BICRA: variants seen among roughly 807,000 people sequenced by gnomAD.
BICRA encodes BRD4-interacting chromatin-remodeling complex-associated protein.
A neutral mutation model predicts 96.9 loss-of-function variants in BICRA; 31 were observed. The observed-to-expected ratio is 0.32, with a 90% CI of 0.24 to 0.43. The LOEUF (loss-of-function observed/expected upper bound fraction) is 0.43. Ranked by LOEUF, BICRA falls within the 20% of genes least tolerant of loss-of-function variation. The pLI, the probability that BICRA is intolerant of heterozygous loss-of-function variation, is 1.00. For synonymous variants in BICRA, 1,350 were observed against 1,071.8 expected, an observed-to-expected ratio of 1.26 and a Z score of -5.07; for missense variants, 2,283 against 2,190.3, an observed-to-expected ratio of 1.04 and a Z score of -0.84.
chr19:47,694,672 C>A lies in BICRA; in HGVS notation c.2841C>A (p.Thr947=). The change falls in exon 8 of 15, where the codon ACC becomes ACA. Residue 947 remains threonine (T), a synonymous_variant. Transcript: ENST00000594866. ...PPPPRTFQMV[T]TPFPALPQPK... ...CTCCTCGGACCTTCCAGATGGTGAC[C>A]ACCCCCTTCCCAGCGCTGCCCCAGC... 6.3e-7 allele frequency: 1 copy of A among 1,597,932 alleles called. No homozygotes were observed. The highest frequency in any genetic ancestry group is 8.6e-7 in the Non-Finnish European group (1 of 1,168,630).
chr19:47,608,712 C>T (rs1222315223), upstream of BICRA, among the ~76,000 whole-genome samples: 1 of 151,640 alleles, frequency 6.6e-6, no homozygotes, highest in African/African-American at 2.4e-5. Context: ...GGGCCCAGTC[C>T]CCGGACGTCC....
intron 1 of BICRA, chr19:47,663,436 C>T (rs978520358): frequency 1.3e-5 from 2 of 152,162 alleles, no homozygotes; most frequent in Admixed American, 6.6e-5. Flanking sequence ...CAACCATCCT[C>T]TGCTGGTGGG....
At chr19:47,641,733 A>G (rs1972388341) in intron 1 of BICRA, among the ~76,000 whole-genome samples, 1 of 152,220 alleles carries the variant, frequency 6.6e-6, no homozygotes, top group Non-Finnish European at 1.5e-5. Context: ...TCCTGTGAAC[A>G]ATGCCATTGG....
intron 1 of BICRA, among the ~76,000 whole-genome samples, chr19:47,642,877 T>C (rs1176703112): frequency 1.3e-5 from 2 of 152,240 alleles, no homozygotes; most frequent in African/African-American, 4.8e-5. Flanking sequence ...TAATATCTCA[T>C]TATGGTTGTA....
At chr19:47,683,127 G>A (rs777024900) in intron 7 of BICRA, among the ~76,000 whole-genome samples, 5 of 152,122 alleles carry the variant, frequency 3.3e-5, no homozygotes, top group African/African-American at 4.8e-5. Context: ...TATGTATGTC[G>A]TTTTGTAGGG....
Position 47,701,906 on chromosome 19 carries a change from C to T in BICRA, c.4174C>T (p.Arg1392Cys). ...CPRLPLRKTY[R>C]ENVGGPGAPE... ...GCGCCTGCCACTGCGCAAGACCTACCGCGAGAACGTGGGGGGCCCTGGCGC... is the reference window on the plus strand; with the variant it reads ...GCGCCTGCCACTGCGCAAGACCTACTGCGAGAACGTGGGGGGCCCTGGCGC... The change falls in exon 15 of 15, where the codon CGC becomes TGC. Residue 1392 changes from arginine (R) to cysteine (C), a missense_variant. Transcript: ENST00000594866. The surrounding 1 kb of genome is among the most constrained non-coding windows in gnomAD (Gnocchi z 5.4). 2.1e-6 allele frequency: 3 copies of T among 1,442,304 alleles called. No individual in the cohort carries two copies. The highest frequency in any genetic ancestry group is 1.4e-5 in the South Asian group (1 of 73,984). The allele number at this position is 1,442,304 out of a possible 1,614,324, so 89.3% of individuals were successfully genotyped here.
intron 6 of BICRA, 31 bp from the exon 7 acceptor site, chr19:47,681,944 CT>C: frequency 1.3e-6 from 2 of 1,495,130 alleles, no homozygotes; most frequent in Non-Finnish European, 1.8e-6. Context: ...GTGGGGGCGG[CT>C]TTCTGATCCT....
At chr19:47,652,219 A>G (rs1456792906) in intron 1 of BICRA, among the ~76,000 whole-genome samples, 1 of 152,046 alleles carries the variant, frequency 6.6e-6, no homozygotes, top group Non-Finnish European at 1.5e-5. Context: ...TTTTTGAGAC[A>G]AGGTCACCCA....
In BICRA at chr19:47,611,476, T is replaced by C. The variant is rs369138017; in HGVS notation, c.-108+2308T>C. Reference sequence around the variant, plus strand: ...TACCTGGGAGCTGGCCCCACTGTCATCTTCTCCCTTCTCTACCTGAGCGGG... The same window carrying C: ...TACCTGGGAGCTGGCCCCACTGTCACCTTCTCCCTTCTCTACCTGAGCGGG... On this transcript the variant is annotated intron_variant, in intron 1 of 14. Transcript: ENST00000594866. Among the ~76,000 whole-genome samples the C allele has an allele frequency of 3.3e-5, 5 of 152,260 alleles. No homozygotes were observed. The East Asian group carries it at 9.6e-4, about 29-fold the overall frequency.
Position 47,694,605 on chromosome 19 carries a change from C to T in BICRA, c.2774C>T (p.Thr925Ile), listed in dbSNP as rs1473327698. 6.4e-7 allele frequency: 1 copy of T among 1,558,520 alleles called. No homozygotes were observed. The highest frequency in any genetic ancestry group is 2.3e-5 in the East Asian group (1 of 44,296). The stretch of plus-strand genomic sequence containing the variant: ...CACAAGTCCCCCACTCCCCCTCCAA[C>T]CCTCCACCTGGTCCCTGAGCCGGCA... ...GPHKSPTPPPTLHLVPEPAAP... is the reference protein window; with the variant it reads ...GPHKSPTPPPILHLVPEPAAP... The change falls in exon 8 of 15, where the codon ACC becomes ATC. Residue 925 changes from threonine to isoleucine, a missense_variant. Physicochemically the swap from Thr to Ile is moderately conservative, Grantham distance 89. Coordinates refer to ENST00000594866, the MANE Select transcript of BICRA (RefSeq NM_001394372.1).
At chr19:47,678,017 A>G (rs1395710648) in intron 5 of BICRA, among the ~76,000 whole-genome samples, 4 of 152,238 alleles carry the variant, frequency 2.6e-5, no homozygotes, top group African/African-American at 9.6e-5. Flanking sequence ...AGCTATGAAA[A>G]CAGTCTCAGT....
intron 1 of BICRA, among the ~76,000 whole-genome samples, chr19:47,635,159 C>T (rs1180529146): frequency 6.6e-6 from 1 of 151,952 alleles, no homozygotes; most frequent in African/African-American, 2.4e-5. Flanking sequence ...ATATACATAA[C>T]ATAAAATTGA....
intron 1 of BICRA, among the ~76,000 whole-genome samples, chr19:47,610,375 CG>C (rs1971884448): frequency 6.6e-6 from 1 of 152,236 alleles, no homozygotes; most frequent in Admixed American, 6.5e-5. Context: ...GAGCTAGGCT[CG>C]GGCTCGGGCG....
chr19:47,694,456 A>G lies in BICRA; in HGVS notation c.2625A>G (p.Pro875=), dbSNP rs779892443. 2.1e-4 allele frequency: 37 copies of G among 178,542 alleles called. 1 individual carries two copies. The highest frequency in any genetic ancestry group is 1.5e-3 in the South Asian group (36 of 24,368). 11.1% of individuals were successfully genotyped at this position (178,542 alleles called of 1,614,324 possible). A position where few individuals can be genotyped will look rare whatever the true frequency, so the allele number is the denominator to read the frequency against. ...QSQPPEGPLP[P]APHLPPSSTS... ...AGCCGCCTGAGGGACCGCTGCCCCC[A>G]GCCCCCCACCTCCCTCCATCCTCCA... Residue 875 remains proline, a synonymous_variant, in exon 8 of 15, where the codon CCA becomes CCG. Transcript: ENST00000594866.
intron 1 of BICRA, among the ~76,000 whole-genome samples, chr19:47,610,644 A>G (rs1216201026): frequency 7.1e-6 from 1 of 140,680 alleles, no homozygotes. Context: ...TACCCACCCC[A>G]TAGTATAATA....
intron 1 of BICRA, among the ~76,000 whole-genome samples, chr19:47,622,821 C>T (rs1203092289): frequency 1.3e-5 from 2 of 151,106 alleles, no homozygotes; most frequent in African/African-American, 4.9e-5. Flanking sequence ...GGGTGGATCA[C>T]GAGGTCAGGA....
At chr19:47,697,464 G>C (rs902332209) in intron 11 of BICRA, among the ~76,000 whole-genome samples, 6 of 151,980 alleles carry the variant, frequency 3.9e-5, no homozygotes, top group Middle Eastern at 3.4e-3. Context: ...GCCCAGGCTG[G>C]TTGGTTTTGT....
At position 47,698,126 on chromosome 19, in the gene BICRA, G is replaced by T. The variant is rs545936236; in HGVS notation, c.3249-508G>T. On this transcript the variant is annotated intron_variant, in intron 11 of 14. Coordinates refer to ENST00000594866, the MANE Select transcript of BICRA (RefSeq NM_001394372.1). The surrounding 1 kb of genome is among the most constrained non-coding windows in gnomAD (Gnocchi z 4.8). ...AGAGAGGCTGCTGGTTTTTAGCCGAGGGTGGAGTTGGGCCTGCCTGGTGGG... is the reference window on the plus strand; with the variant it reads ...AGAGAGGCTGCTGGTTTTTAGCCGATGGTGGAGTTGGGCCTGCCTGGTGGG... Among the ~76,000 whole-genome samples the T allele has an allele frequency of 1.6e-4, 24 of 152,318 alleles. No individual in the cohort carries two copies. The East Asian group carries it at 4.1e-3, about 26-fold the overall frequency.
At chr19:47,683,710 G>C (rs972660761) in intron 7 of BICRA, among the ~76,000 whole-genome samples, 1 of 151,422 alleles carries the variant, frequency 6.6e-6, no homozygotes, top group Non-Finnish European at 1.5e-5. Context: ...TCAGCCTCCC[G>C]AGTAGCTGGG....
Sources: allele counts gnomAD v4.1 joint callset (sites outside exome capture counted in the v4.1 genomes callset), GRCh38; gene constraint gnomAD v4.1.1; non-coding constraint Gnocchi (gnomAD v3.1); transcripts MANE v1.5; gene names NCBI Gene and HGNC (gene_info 2026-07-23, HGNC 2026-07-21).